The following ANKRD36 variants were observed in gnomAD, a reference collection of about 807,000 sequenced individuals.
The protein encoded by ANKRD36 is ankyrin repeat domain 36.
Under a neutral mutation model 278.1 loss-of-function variants are expected in ANKRD36, and 179 were observed. The observed-to-expected ratio is 0.64, with a 90% CI of 0.57 to 0.73. The LOEUF (loss-of-function observed/expected upper bound fraction) is 0.73. Among genes scored for constraint, ANKRD36 ranks in the 30% least tolerant of loss-of-function variants. The probability of loss-of-function intolerance (pLI) is 0.00; values close to 1 mark genes in which losing one functional copy is unlikely to be tolerated. For missense variants in ANKRD36, 1,159 were observed against 1,956.7 expected, an observed-to-expected ratio of 0.59 and a Z score of 7.69; for synonymous variants, 320 against 641.1, an observed-to-expected ratio of 0.50 and a Z score of 7.57.
At chr2:97,210,201 G>A (rs2064036472) in intron 56 of ANKRD36, among the ~76,000 whole-genome samples, 1 of 151,818 alleles carries the variant, frequency 6.6e-6, no homozygotes, top group South Asian at 2.1e-4. Flanking sequence ...AAGAGAGGAA[G>A]TATAGATTTT....
At chr2:97,209,391 G>A (rs560815919) in intron 54 of ANKRD36, among the ~76,000 whole-genome samples, 2 of 146,702 alleles carry the variant, frequency 1.4e-5, no homozygotes, top group Admixed American at 1.3e-4. Context: ...GATCACATTT[G>A]TCCTCATCAC....
chr2:97,166,637 A>T (rs1308873363), intron 20 of ANKRD36, among the ~76,000 whole-genome samples: 1 of 151,970 alleles, frequency 6.6e-6, no homozygotes, highest in African/African-American at 2.4e-5. Context: ...CACTGACTTT[A>T]TGTGGACCTG....
chr2:97,223,215 C>G (rs2068289260), intron 66 of ANKRD36, among the ~76,000 whole-genome samples: 1 of 150,358 alleles, frequency 6.7e-6, no homozygotes, highest in East Asian at 2.1e-4. Context: ...ATTCTCCTGC[C>G]TCAGCCCCCT....
chr2:97,137,192 G>T (rs1378564657), intron 6 of ANKRD36, among the ~76,000 whole-genome samples: 4 of 151,798 alleles, frequency 2.6e-5, no homozygotes, highest in Non-Finnish European at 5.9e-5. Flanking sequence ...TGTCACCCAG[G>T]CTGGAGTGGA....
At position 97,149,364 on chromosome 2, in the gene ANKRD36, A is replaced by G; in HGVS notation, c.1101+3A>G. 8 of 1,527,974 alleles carry G rather than the reference A, an allele frequency of 5.2e-6. No homozygotes were observed. Among genetic ancestry groups the G allele is most frequent in the South Asian group, 1.2e-5 (1 of 82,706 alleles). 94.7% of individuals were successfully genotyped at this position (1,527,974 alleles called of 1,614,324 possible). ...ATGAGTTTTCTTTGGAATCTGAGGT[A>G]GAGTACTCTCTTGTGAAATTAATTT... is the stretch of plus-strand genomic sequence containing the variant. On this transcript the variant is annotated splice_donor_region_variant and intron_variant, in intron 12 of 75. Transcript: ENST00000420699.
intron 28 of ANKRD36, among the ~76,000 whole-genome samples, chr2:97,184,939 C>A (rs998097595): frequency 1.3e-5 from 2 of 151,668 alleles, no homozygotes; most frequent in African/African-American, 2.4e-5. Context: ...CCTTTTGATA[C>A]CTTGCATGAA....
At chr2:97,115,651 C>T (rs1209483935) in intron 1 of ANKRD36, among the ~76,000 whole-genome samples, 1 of 74 alleles carries the variant, frequency 0.014, no homozygotes, top group Admixed American at 0.17. Context: ...ATACTATTTT[C>T]TATCACAAGT....
chr2:97,190,695 A>G (rs1389169170), intron 34 of ANKRD36, among the ~76,000 whole-genome samples: 1 of 151,508 alleles, frequency 6.6e-6, no homozygotes, highest in Admixed American at 6.6e-5. Context: ...TGTCCTCATC[A>G]CTCGGCATAT....
chr2:97,243,176 G>A (rs1238841188), intron 69 of ANKRD36, among the ~76,000 whole-genome samples: 1 of 143,580 alleles, frequency 7.0e-6, no homozygotes, highest in Non-Finnish European at 1.6e-5. Context: ...TGCCCGAGGT[G>A]GTCGGGGTGC....
intron 60 of ANKRD36, among the ~76,000 whole-genome samples, chr2:97,213,856 C>G (rs2065284435): frequency 6.6e-6 from 1 of 151,734 alleles, no homozygotes; most frequent in Non-Finnish European, 1.5e-5. Flanking sequence ...GAGAGCAGTT[C>G]AAGACATAAG....
rs539788196 is a variant in ANKRD36 at position 97,198,496 on chromosome 2, T to C, written c.2682+5T>C. On this transcript the variant is annotated splice_donor_5th_base_variant and intron_variant, in intron 43 of 75. Coordinates refer to ENST00000420699, the MANE Select transcript of ANKRD36 (RefSeq NM_001354587.1). Reference sequence around the variant, plus strand: ...GAGAAACCACCAGGCTTGAAGGTAATGAAACTGTCATTTATATTGTGACCT... The same window carrying C: ...GAGAAACCACCAGGCTTGAAGGTAACGAAACTGTCATTTATATTGTGACCT... The C allele has an allele frequency of 1.9e-6, 3 of 1,577,842 alleles. No individual in the cohort carries two copies. Among genetic ancestry groups the C allele is most frequent in the South Asian group, 2.3e-5 (2 of 85,604 alleles).
In ANKRD36 at chr2:97,192,771, C is replaced by G. The variant is rs538793367; in HGVS notation, c.2348-87C>G. On this transcript the variant is annotated intron_variant, in intron 36 of 75. Transcript: ENST00000420699. The stretch of plus-strand genomic sequence containing the variant: ...GCCTACGCTAATACAGGCAGGAGAA[C>G]AGAGGTTGATACAAACACTTCATGA... 2,590 of 1,490,040 alleles carry G rather than the reference C, an allele frequency of 1.7e-3. 15 individuals are homozygous for G. Among genetic ancestry groups the G allele is most frequent in the Non-Finnish European group, 2.0e-3 (2,168 of 1,083,100 alleles). The allele number at this position is 1,490,040 out of a possible 1,614,324, so 92.3% of individuals were successfully genotyped here.
intron 67 of ANKRD36, among the ~76,000 whole-genome samples, chr2:97,227,285 A>G: frequency 6.6e-6 from 1 of 152,102 alleles, no homozygotes; most frequent in Non-Finnish European, 1.5e-5. Context: ...ATTTGTTTGT[A>G]TCCTCTTTTA....
intron 24 of ANKRD36, 80 bp downstream of exon 24, chr2:97,180,013 A>C: frequency 6.3e-7 from 1 of 1,584,706 alleles, no homozygotes; most frequent in Non-Finnish European, 8.6e-7. Context: ...ATCAGTGGGG[A>C]GTCCATCTAA....
chr2:97,148,048 A>G (rs2044758043), intron 11 of ANKRD36, among the ~76,000 whole-genome samples: 3 of 152,020 alleles, frequency 2.0e-5, no homozygotes, highest in Admixed American at 2.0e-4. Flanking sequence ...GGAATGTGGT[A>G]TCATCTTCTT....
At chr2:97,190,542 A>C (rs950673282) in intron 34 of ANKRD36, among the ~76,000 whole-genome samples, 18 of 150,140 alleles carry the variant, frequency 1.2e-4, no homozygotes, top group African/African-American at 4.4e-4. Flanking sequence ...TTATTGGGCA[A>C]GTTAAAGAGC....
chr2:97,191,241 T>A lies in ANKRD36; in HGVS notation c.2347+60T>A, dbSNP rs1005590886. On this transcript the variant is annotated intron_variant, in intron 36 of 75. Coordinates refer to ENST00000420699, the MANE Select transcript of ANKRD36 (RefSeq NM_001354587.1). ...GTCCAGATAGATAAGAATTTCTCTT[T>A]CCTGAATGAATTGGCCTGGGGCTCG... 119 of 1,481,694 alleles carry A rather than the reference T, an allele frequency of 8.0e-5. 1 individual carries two copies. The highest frequency in any genetic ancestry group is 3.0e-4 in the Admixed American group (13 of 43,046). The allele number at this position is 1,481,694 out of a possible 1,614,324, so 91.8% of individuals were successfully genotyped here. A position where few individuals can be genotyped will look rare whatever the true frequency, so the allele number is the denominator to read the frequency against.
intron 52 of ANKRD36, among the ~76,000 whole-genome samples, chr2:97,206,860 A>T (rs2062999866): frequency 6.6e-6 from 1 of 151,528 alleles, no homozygotes; most frequent in Non-Finnish European, 1.5e-5. Context: ...ACAAACTTGA[A>T]TCTGAATACA....
At chr2:97,174,753 A>G (rs375826878) in intron 22 of ANKRD36, among the ~76,000 whole-genome samples, 1 of 151,914 alleles carries the variant, frequency 6.6e-6, no homozygotes, top group East Asian at 1.9e-4. Flanking sequence ...TATGATATTG[A>G]CTGTGGGTTT....
Sources: allele counts gnomAD v4.1 joint callset (sites outside exome capture counted in the v4.1 genomes callset), GRCh38; gene constraint gnomAD v4.1.1; transcripts MANE v1.5; gene names NCBI Gene and HGNC (gene_info 2026-07-23, HGNC 2026-07-21).